The following NSUN6 variants were observed in gnomAD, a reference collection of about 807,000 sequenced individuals.
NSUN6 encodes NOP2/Sun RNA methyltransferase 6.
In NSUN6, 64 loss-of-function variants were observed where a neutral mutation model predicts 58.0. That is an observed-to-expected ratio of 1.10 (90% CI 0.90 to 1.36). The LOEUF (loss-of-function observed/expected upper bound fraction) is 1.36. Among genes scored for constraint, NSUN6 ranks in the 40% most tolerant of loss-of-function variants. The pLI, the probability that NSUN6 is intolerant of heterozygous loss-of-function variation, is 0.00. For synonymous variants in NSUN6, 231 were observed against 193.9 expected, an observed-to-expected ratio of 1.19 and a Z score of -1.59; for missense variants, 701 against 550.1, an observed-to-expected ratio of 1.27 and a Z score of -2.74.
At chr10:18,555,973 G>T (rs1396140209) in intron 8 of NSUN6, among the ~76,000 whole-genome samples, 1 of 149,146 alleles carries the variant, frequency 6.7e-6, no homozygotes, top group Non-Finnish European at 1.5e-5. Context: ...ATGGAATGGA[G>T]AATTAAATAG....
At position 18,609,862 on chromosome 10, in the gene NSUN6, G is replaced by T; in HGVS notation, c.640C>A (p.Arg214Ser). The T allele has an allele frequency of 1.3e-6, 2 of 1,580,242 alleles. No homozygotes were observed. The highest frequency in any genetic ancestry group is 1.7e-6 in the Non-Finnish European group (2 of 1,149,628). The change falls in exon 6 of 11, where the codon CGT becomes AGT. Residue 214 changes from arginine (R) to serine (S), a missense_variant. Coordinates refer to ENST00000377304, the MANE Select transcript of NSUN6 (RefSeq NM_182543.5). ...LSPSFDSVLP[R>S]YLFLQNLPSA... ...ATACTTACTTGTAAAAATAAGTAAC[G>T]GGGCAGTACACTGTCAAATGAAGGG...
At chr10:18,549,326 C>A (rs544054537) in intron 9 of NSUN6, among the ~76,000 whole-genome samples, 3 of 152,296 alleles carry the variant, frequency 2.0e-5, no homozygotes, top group South Asian at 2.1e-4. Flanking sequence ...ACAAGACACA[C>A]TGGCACCTCA....
At chr10:18,561,719 GAAAGGAATAGAATA>G (rs2055525530) in intron 8 of NSUN6, among the ~76,000 whole-genome samples, 12 of 150,648 alleles carry the variant, frequency 8.0e-5, no homozygotes, top group African/African-American at 2.4e-4. Flanking sequence ...ATAGAATGGA[GAAAGGAATAGAATA>G]TGGAATAGAA....
intron 7 of NSUN6, among the ~76,000 whole-genome samples, chr10:18,591,553 A>G (rs1409336275): frequency 2.6e-5 from 4 of 152,242 alleles, no homozygotes; most frequent in Non-Finnish European, 5.9e-5. Context: ...CCGGGGATGC[A>G]AGGCTGATTC....
chr10:18,653,066 T>C (rs576680840), upstream of NSUN6: 182 of 984,882 alleles, frequency 1.8e-4, no homozygotes, highest in African/African-American at 1.3e-3. Flanking sequence ...AAATCAGACA[T>C]TTCCAAAGGA....
chr10:18,651,147 T>C lies in NSUN6; in HGVS notation c.57A>G (p.Glu19=). ...GACCTACCTCCTTATTCATAAAGCC[T>C]TCCTTAAGATAGTTTTCAACCTCAG... ...LRPEVENYLK[E]GFMNKEIVTA... Residue 19 remains glutamate, a synonymous_variant, in exon 1 of 11, where the codon GAA becomes GAG. Transcript: ENST00000377304. 1.3e-6 allele frequency: 2 copies of C among 1,578,664 alleles called. No individual in the cohort carries two copies. The highest frequency in any genetic ancestry group is 2.1e-5 in the Admixed American group (1 of 48,308).
At chr10:18,559,240 G>GGAATGGAGAATGTAAC (rs1266608193) in intron 8 of NSUN6, among the ~76,000 whole-genome samples, 3 of 151,348 alleles carry the variant, frequency 2.0e-5, no homozygotes. Context: ...AATGGGGAAT[G>GGAATGGAGAATGTAAC]GAATGGAGAA....
chr10:18,608,420 G>C (rs2058113831), intron 6 of NSUN6, among the ~76,000 whole-genome samples: 1 of 152,088 alleles, frequency 6.6e-6, no homozygotes, highest in African/African-American at 2.4e-5. Flanking sequence ...AGGATCACTT[G>C]AACTCAGGAA....
chr10:18,564,202 T>C (rs1055864373), intron 8 of NSUN6, among the ~76,000 whole-genome samples: 2 of 150,690 alleles, frequency 1.3e-5, no homozygotes, highest in Non-Finnish European at 3.0e-5. Flanking sequence ...CATTTCATTC[T>C]CCACTGTAAT....
chr10:18,564,273 C>T (rs1258477894), intron 8 of NSUN6, among the ~76,000 whole-genome samples: 2 of 151,444 alleles, frequency 1.3e-5, no homozygotes, highest in Admixed American at 1.3e-4. Context: ...ATTCTCCACT[C>T]CACTGCATTC....
At chr10:18,631,527 C>A (rs1295643640) in intron 3 of NSUN6, among the ~76,000 whole-genome samples, 1 of 127,126 alleles carries the variant, frequency 7.9e-6, no homozygotes, top group African/African-American at 3.0e-5. Flanking sequence ...CCCAAAATCT[C>A]CTTAAGCTGA....
At chr10:18,652,387 T>C (rs1043342343), upstream of NSUN6, 8 of 983,902 alleles carry the variant, frequency 8.1e-6, no homozygotes, top group Non-Finnish European at 8.4e-6. Flanking sequence ...CACATAAGTA[T>C]AGGAAAGGGT....
chr10:18,559,131 GGAATGAAATGGA>G (rs1180252091), intron 8 of NSUN6, among the ~76,000 whole-genome samples: 2 of 150,460 alleles, frequency 1.3e-5, no homozygotes, highest in Admixed American at 6.7e-5. Context: ...AACGAAGAGT[GGAATGAAATGGA>G]GAATGGAATG....
intron 6 of NSUN6, among the ~76,000 whole-genome samples, chr10:18,599,082 G>A (rs1369097515): frequency 1.3e-5 from 2 of 152,180 alleles, no homozygotes; most frequent in African/African-American, 4.8e-5. Flanking sequence ...CTGTCACACA[G>A]GCTGCAGTGC....
intron 8 of NSUN6, among the ~76,000 whole-genome samples, chr10:18,560,333 G>A (rs1239394893): frequency 1.3e-5 from 2 of 151,308 alleles, no homozygotes; most frequent in African/African-American, 4.8e-5. Flanking sequence ...AGAATGGAAT[G>A]GTATGAGAAA....
intron 10 of NSUN6, among the ~76,000 whole-genome samples, chr10:18,546,910 G>C (rs2054300810): frequency 6.7e-6 from 1 of 149,766 alleles, no homozygotes. Context: ...GAAAAGAGAA[G>C]GAAGGGAGTG....
At chr10:18,600,305 G>A (rs2057754801) in intron 6 of NSUN6, among the ~76,000 whole-genome samples, 1 of 152,080 alleles carries the variant, frequency 6.6e-6, no homozygotes, top group Non-Finnish European at 1.5e-5. Flanking sequence ...CTCCTGTCCT[G>A]TACAATAATT....
At chr10:18,614,711 T>C (rs895815037) in intron 4 of NSUN6, 98 bp from the exon 5 acceptor site, 4 of 478,894 alleles carry the variant, frequency 8.4e-6, no homozygotes, top group African/African-American at 2.0e-5. Flanking sequence ...GAGGCATCAA[T>C]AGTGGGCATG....
At chr10:18,598,811 G>A (rs1464711358) in intron 6 of NSUN6, among the ~76,000 whole-genome samples, 1 of 152,128 alleles carries the variant, frequency 6.6e-6, no homozygotes, top group African/African-American at 2.4e-5. Context: ...ACTCCAAGAT[G>A]AAAACACTAA....
Sources: allele counts gnomAD v4.1 joint callset (sites outside exome capture counted in the v4.1 genomes callset), GRCh38; gene constraint gnomAD v4.1.1; transcripts MANE v1.5; gene names NCBI Gene and HGNC (gene_info 2026-07-23, HGNC 2026-07-21).